ARHGAP31: variants seen among roughly 807,000 people sequenced by gnomAD.
ARHGAP31 encodes the protein rho GTPase-activating protein 31.
Under a neutral mutation model 113.9 loss-of-function variants are expected in ARHGAP31, and 34 were observed. The ratio of observed to expected loss-of-function variants is 0.30; its 90% confidence interval spans 0.23 to 0.40. ARHGAP31 has a LOEUF of 0.40. ARHGAP31 is among the 10% of genes least tolerant of loss of function. ARHGAP31 has a pLI of 1.00. For synonymous variants in ARHGAP31, 650 were observed against 684.8 expected, an observed-to-expected ratio of 0.95 and a Z score of 0.79; for missense variants, 1,548 against 1,767.1, an observed-to-expected ratio of 0.88 and a Z score of 2.22.
intron 7 of ARHGAP31, among the ~76,000 whole-genome samples, chr3:119,391,454 C>A (rs1189833727): frequency 1.3e-5 from 2 of 152,086 alleles, no homozygotes; most frequent in Non-Finnish European, 2.9e-5. Context: ...TGGGGACATG[C>A]AAACCTGGCA....
At chr3:119,388,732 C>T (rs929993763) in intron 6 of ARHGAP31, among the ~76,000 whole-genome samples, 1 of 152,092 alleles carries the variant, frequency 6.6e-6, no homozygotes, top group South Asian at 2.1e-4. Context: ...GAAATAACAA[C>T]CCCAGGCTTT....
intron 8 of ARHGAP31, among the ~76,000 whole-genome samples, chr3:119,396,300 T>C (rs148506903): frequency 1.0e-3 from 158 of 152,308 alleles, no homozygotes; most frequent in Middle Eastern, 3.4e-3. Context: ...GGTCTGAGTA[T>C]TGGTAATTTT....
At chr3:119,331,901 C>G (rs1238016536) in intron 1 of ARHGAP31, among the ~76,000 whole-genome samples, 1 of 152,072 alleles carries the variant, frequency 6.6e-6, no homozygotes, top group African/African-American at 2.4e-5. Context: ...GCTGCCTGCA[C>G]CGCCTCACTA....
intron 1 of ARHGAP31, among the ~76,000 whole-genome samples, chr3:119,315,401 A>C (rs1280131697): frequency 6.6e-6 from 1 of 152,208 alleles, no homozygotes; most frequent in African/African-American, 2.4e-5. Flanking sequence ...GAACTTCTAT[A>C]CAAAATAATT....
chr3:119,308,964 C>G (rs530010451), intron 1 of ARHGAP31, among the ~76,000 whole-genome samples: 9 of 152,252 alleles, frequency 5.9e-5, no homozygotes, highest in Admixed American at 1.3e-4. Flanking sequence ...CCTCATCCCC[C>G]CTAAGAAGCT....
intron 1 of ARHGAP31, among the ~76,000 whole-genome samples, chr3:119,321,558 T>A (rs1209652155): frequency 1.3e-5 from 2 of 149,612 alleles, no homozygotes; most frequent in African/African-American, 2.4e-5. Flanking sequence ...ATATATATAT[T>A]ATATATATAT....
intron 1 of ARHGAP31, among the ~76,000 whole-genome samples, chr3:119,339,596 G>A (rs925334518): frequency 6.6e-6 from 1 of 152,082 alleles, no homozygotes; most frequent in Non-Finnish European, 1.5e-5. Flanking sequence ...AACTCCCTCC[G>A]ACCCGCCGCA....
chr3:119,321,546 GTATA>G (rs533650460), intron 1 of ARHGAP31, among the ~76,000 whole-genome samples: 1 of 149,794 alleles, frequency 6.7e-6, no homozygotes, highest in African/African-American at 2.4e-5. Context: ...CTGTGTGTGT[GTATA>G]TATATATTAT....
intron 6 of ARHGAP31, among the ~76,000 whole-genome samples, chr3:119,384,407 C>T (rs187432367): frequency 3.9e-5 from 6 of 152,264 alleles, no homozygotes; most frequent in African/African-American, 1.4e-4. Context: ...TGTCTTAGTC[C>T]GTTTTGTTCT....
intron 10 of ARHGAP31, among the ~76,000 whole-genome samples, chr3:119,405,421 C>G (rs530763864): frequency 3.9e-5 from 6 of 152,292 alleles, no homozygotes; most frequent in Non-Finnish European, 7.3e-5. Flanking sequence ...TCTGCATGGT[C>G]AGAGTAGGCT....
intron 1 of ARHGAP31, among the ~76,000 whole-genome samples, chr3:119,317,599 A>G (rs934750849): frequency 5.3e-5 from 8 of 152,208 alleles, no homozygotes; most frequent in African/African-American, 1.7e-4. Flanking sequence ...ATGGGTATAA[A>G]TATTTTTTAT....
At position 119,402,326 on chromosome 3, in the gene ARHGAP31, TTTC is replaced by T. The variant is rs780155369; in HGVS notation, c.1577_1579del (p.Ser526del). 1.1e-5 allele frequency: 18 copies of T among 1,614,090 alleles called. No homozygotes were observed. The highest frequency in any genetic ancestry group is 1.5e-5 in the Non-Finnish European group (18 of 1,180,044). ...CAGTCTCTTTCCAGCCTGGAAGAGT[TTTC>T]TTTTCATGGATCAGAGAGCGGAGGC... On this transcript the variant is annotated inframe_deletion, in exon 10 of 12. Transcript: ENST00000264245.
At chr3:119,354,476 T>TTGTG (rs5852200) in intron 1 of ARHGAP31, among the ~76,000 whole-genome samples, 11,415 of 147,862 alleles carry the variant, frequency 0.077, 467 homozygotes, top group East Asian at 0.14. Context: ...TGTGTGTGGT[T>TTGTG]TGTGTGTGTG....
At chr3:119,325,657 T>C (rs1372900900) in intron 1 of ARHGAP31, among the ~76,000 whole-genome samples, 1 of 25,276 alleles carries the variant, frequency 4.0e-5, no homozygotes, top group Non-Finnish European at 7.5e-5. Context: ...ATGGCGGGGG[T>C]TGGGGGGGAA....
At chr3:119,295,126 T>C (rs1331051496) in intron 1 of ARHGAP31, 122 bp downstream of exon 1, 18 of 860,366 alleles carry the variant, frequency 2.1e-5, no homozygotes, top group Non-Finnish European at 2.4e-5. Flanking sequence ...TGTGCGCTCA[T>C]TGCACTTTTT....
intron 8 of ARHGAP31, among the ~76,000 whole-genome samples, chr3:119,394,621 C>A (rs1577027433): frequency 1.3e-5 from 2 of 151,794 alleles, no homozygotes; most frequent in South Asian, 4.2e-4. Context: ...ATGCAGTGAG[C>A]AAACTTTGAC....
intron 1 of ARHGAP31, among the ~76,000 whole-genome samples, chr3:119,302,695 G>T (rs1312084258): frequency 2.0e-5 from 3 of 152,184 alleles, no homozygotes; most frequent in Non-Finnish European, 4.4e-5. Context: ...TATAGAGATG[G>T]GAAAGGCAGA....
intron 1 of ARHGAP31, among the ~76,000 whole-genome samples, chr3:119,300,062 C>A (rs2079567392): frequency 6.6e-6 from 1 of 152,184 alleles, no homozygotes; most frequent in Non-Finnish European, 1.5e-5. Context: ...GCTGGAGGAT[C>A]CTATTAGGAG....
At chr3:119,410,443 T>C (rs1334537340) in intron 11 of ARHGAP31, among the ~76,000 whole-genome samples, 1 of 152,196 alleles carries the variant, frequency 6.6e-6, no homozygotes, top group Non-Finnish European at 1.5e-5. Context: ...AGGATGCCTT[T>C]GAACTTGCTT....
Sources: gnomAD v4.1 joint callset for allele counts (sites outside exome capture counted in the v4.1 genomes callset) on GRCh38, gnomAD v4.1.1 for gene constraint, MANE v1.5 for transcripts, NCBI Gene and HGNC (gene_info 2026-07-23, HGNC 2026-07-21) for gene names.